Variants in TMC2 observed in about 807,000 individuals in gnomAD.
TMC2 encodes the protein transmembrane channel like 2.
Under a neutral mutation model 105.9 loss-of-function variants are expected in TMC2, and 102 were observed. The observed-to-expected ratio is 0.96, with a 90% CI of 0.82 to 1.14. The LOEUF (loss-of-function observed/expected upper bound fraction) is 1.14. Among genes scored for constraint, TMC2 ranks in the 50% most tolerant of loss-of-function variants. The pLI is 0.00. For synonymous variants in TMC2, 402 were observed against 422.8 expected, an observed-to-expected ratio of 0.95 and a Z score of 0.60; for missense variants, 1,093 against 1,134.3, an observed-to-expected ratio of 0.96 and a Z score of 0.52.
At chr20:2,570,215 C>A (rs959199818) in intron 4 of TMC2, among the ~76,000 whole-genome samples, 1 of 152,044 alleles carries the variant, frequency 6.6e-6, no homozygotes, top group African/African-American at 2.4e-5. Context: ...TCTCTCTTTG[C>A]TGATTATATG....
At chr20:2,595,839 A>G (rs979014299) in intron 9 of TMC2, among the ~76,000 whole-genome samples, 1 of 152,176 alleles carries the variant, frequency 6.6e-6, no homozygotes, top group Non-Finnish European at 1.5e-5. Flanking sequence ...TGAAAGGGCA[A>G]TGGGGACGCT....
intron 7 of TMC2, among the ~76,000 whole-genome samples, chr20:2,586,088 C>T (rs1213068695): frequency 6.6e-6 from 1 of 152,146 alleles, no homozygotes; most frequent in Non-Finnish European, 1.5e-5. Context: ...GCAGAATACA[C>T]TCGCCCCTCC....
In TMC2 at chr20:2,580,087, A is replaced by G. The variant is rs2086179004; in HGVS notation, c.834+31A>G. ...AAAAGAACTTCCTAAATCTTTGGAT[A>G]GAGTTAAGGCTTATGACCACCGTCA... On this transcript the variant is annotated intron_variant, in intron 7 of 19. Transcript: ENST00000358864. 9.1e-6 allele frequency: 13 copies of G among 1,434,942 alleles called. No homozygotes were observed. The East Asian group carries it at 2.7e-4, about 30-fold the overall frequency. The allele number at this position is 1,434,942 out of a possible 1,614,324, so 88.9% of individuals were successfully genotyped here.
chr20:2,594,428 A>G (rs1191005359), intron 8 of TMC2, among the ~76,000 whole-genome samples: 1 of 152,048 alleles, frequency 6.6e-6, no homozygotes, highest in East Asian at 1.9e-4. Context: ...AGGTTTCACT[A>G]CGTTAGCCAG....
At chr20:2,609,461 C>G (rs780277981) in intron 11 of TMC2, among the ~76,000 whole-genome samples, 3 of 123,948 alleles carry the variant, frequency 2.4e-5, no homozygotes, top group Admixed American at 7.3e-5. Context: ...ATGAATTCTA[C>G]CCTTAAGGGG....
intron 16 of TMC2, among the ~76,000 whole-genome samples, chr20:2,618,662 G>T (rs548552024): frequency 6.6e-6 from 1 of 152,188 alleles, no homozygotes; most frequent in Non-Finnish European, 1.5e-5. Context: ...ATGTAAGGAG[G>T]TAGATCAAGA....
chr20:2,624,427 C>A (rs1018284691), intron 17 of TMC2, 31 bp downstream of exon 17: 1 of 1,595,062 alleles, frequency 6.3e-7, no homozygotes, highest in East Asian at 2.3e-5. Flanking sequence ...GGCTCCACCC[C>A]ACGGAAACTT....
At chr20:2,574,257 G>A (rs555460637) in intron 5 of TMC2, among the ~76,000 whole-genome samples, 1 of 152,132 alleles carries the variant, frequency 6.6e-6, no homozygotes, top group South Asian at 2.1e-4. Context: ...TAATTCCACA[G>A]ACACGTTTGA....
chr20:2,547,218 A>G (rs1453677663), intron 2 of TMC2, among the ~76,000 whole-genome samples: 1 of 152,206 alleles, frequency 6.6e-6, no homozygotes, highest in African/African-American at 2.4e-5. Flanking sequence ...TCTCCAATAG[A>G]AAAGCACTGG....
At chr20:2,564,906 G>T (rs559414737) in intron 4 of TMC2, among the ~76,000 whole-genome samples, 1 of 152,330 alleles carries the variant, frequency 6.6e-6, no homozygotes, top group Admixed American at 6.5e-5. Context: ...CCTGGACTCA[G>T]ATTTAAGTCT....
At chr20:2,604,534 G>A (rs2086375237) in intron 11 of TMC2, among the ~76,000 whole-genome samples, 1 of 152,078 alleles carries the variant, frequency 6.6e-6, no homozygotes, top group African/African-American at 2.4e-5. Context: ...CCAGTTTCTG[G>A]CACACAGCCC....
intron 17 of TMC2, among the ~76,000 whole-genome samples, chr20:2,629,119 C>T (rs2086585222): frequency 6.6e-6 from 1 of 151,936 alleles, no homozygotes; most frequent in African/African-American, 2.4e-5. Context: ...AGAAAACAGG[C>T]TAATACAGTC....
At chr20:2,554,500 G>A (rs2085974868) in intron 2 of TMC2, among the ~76,000 whole-genome samples, 1 of 151,926 alleles carries the variant, frequency 6.6e-6, no homozygotes, top group Non-Finnish European at 1.5e-5. Context: ...GATTTAATTT[G>A]TTCTTTTTTA....
At position 2,592,682 on chromosome 20, in the gene TMC2, C is replaced by T. The variant is rs543133587; in HGVS notation, c.933+274C>T. ...GCCAGGTCTCTGTAAGGTGATCTCA[C>T]GGTATGCTTTTCTTTCCTCATTCCC... On this transcript the variant is annotated intron_variant, in intron 8 of 19. Transcript: ENST00000358864. This position sits in a 1 kb window ranked among gnomAD's most constrained non-coding sequence, Gnocchi z 4.9. Among the ~76,000 whole-genome samples the T allele has an allele frequency of 2.1e-4, 32 of 152,232 alleles. No homozygotes were observed. The South Asian group carries it at 2.3e-3, about 11-fold the overall frequency.
intron 4 of TMC2, among the ~76,000 whole-genome samples, chr20:2,566,310 T>C (rs1386746446): frequency 6.6e-6 from 1 of 152,226 alleles, no homozygotes; most frequent in Non-Finnish European, 1.5e-5. Context: ...AAAATAGCGA[T>C]TACTGTTATT....
At chr20:2,571,660 T>G (rs888006387) in intron 4 of TMC2, among the ~76,000 whole-genome samples, 1 of 152,202 alleles carries the variant, frequency 6.6e-6, no homozygotes, top group Non-Finnish European at 1.5e-5. Context: ...ATTATTTTAT[T>G]ACACTGGGGC....
intron 17 of TMC2, 134 bp downstream of exon 17, chr20:2,624,530 G>T (rs2146257940): frequency 9.0e-7 from 1 of 1,111,308 alleles, no homozygotes; most frequent in East Asian, 2.5e-5. Flanking sequence ...AAGGATTCAA[G>T]TGTAAGTATT....
Position 2,552,892 on chromosome 20 carries a change from G to A in TMC2, c.83-5564G>A, listed in dbSNP as rs190437149. On this transcript the variant is annotated intron_variant, in intron 2 of 19. Coordinates refer to ENST00000358864, the MANE Select transcript of TMC2 (RefSeq NM_080751.3). ...TAAATTTCAGTTGTTCATTGCTGGC[G>A]TATAGGAGTAATTGACTTTTGCATA... Among the ~76,000 whole-genome samples, 6 of 152,226 alleles carry A rather than the reference G, an allele frequency of 3.9e-5. 1 individual carries two copies. Among genetic ancestry groups the A allele is most frequent in the South Asian group, 2.1e-4 (1 of 4,820 alleles).
At chr20:2,625,012 G>A (rs2086554266) in intron 17 of TMC2, among the ~76,000 whole-genome samples, 1 of 152,056 alleles carries the variant, frequency 6.6e-6, no homozygotes, top group African/African-American at 2.4e-5. Flanking sequence ...ACAACCATTA[G>A]AGAACAAGTT....
Sources: allele counts gnomAD v4.1 joint callset (sites outside exome capture counted in the v4.1 genomes callset), GRCh38; gene constraint gnomAD v4.1.1; non-coding constraint Gnocchi (gnomAD v3.1); transcripts MANE v1.5; gene names NCBI Gene and HGNC (gene_info 2026-07-23, HGNC 2026-07-21).